ZFYVE28: variants seen among roughly 807,000 people sequenced by gnomAD.
ZFYVE28 encodes the protein lateral signaling target protein 2 homolog.
ZFYVE28 carries 40 observed loss-of-function variants against 82.1 expected under a neutral mutation model. The observed-to-expected ratio is 0.49, with a 90% CI of 0.38 to 0.63. The LOEUF is 0.63. Ranked by LOEUF, ZFYVE28 falls within the 30% of genes least tolerant of loss-of-function variation. ZFYVE28 has a pLI of 0.00. For synonymous variants in ZFYVE28, 612 were observed against 546.1 expected, an observed-to-expected ratio of 1.12 and a Z score of -1.68; for missense variants, 1,321 against 1,242.1, an observed-to-expected ratio of 1.06 and a Z score of -0.96.
rs75472986 is a variant in ZFYVE28, at chr4:2,355,153, T to A, written c.40-1080A>T. Among the ~76,000 whole-genome samples, 345 of 138,228 alleles carry A rather than the reference T, an allele frequency of 2.5e-3. 9 individuals are homozygous for A. In the East Asian group the frequency reaches 0.063, roughly 25 times the overall value. 90.7% of individuals were successfully genotyped at this position (138,228 alleles called of 152,430 possible). On this transcript the variant is annotated intron_variant, in intron 1 of 12. Transcript: ENST00000290974. Reference sequence around the variant, plus strand: ...CAGCTTGTTCCCCTGGATCAGAGTTTCGAGGATTCAAAGAAGCCCCTTACA... The same window carrying A: ...CAGCTTGTTCCCCTGGATCAGAGTTACGAGGATTCAAAGAAGCCCCTTACA...
At position 2,300,486 on chromosome 4, in the gene ZFYVE28, G is replaced by A. The variant is rs999844178; in HGVS notation, c.2051+3803C>T. Among the ~76,000 whole-genome samples the A allele has an allele frequency of 8.5e-5, 13 of 152,180 alleles. No individual in the cohort carries two copies. The highest frequency in any genetic ancestry group is 7.2e-4 in the Admixed American group (11 of 15,284). Reference sequence around the variant, plus strand: ...AGGCTGATTCACTGCTGTCTGTCGAGGACGATGTCCGGACTCCCAGGTGAC... The same window carrying A: ...AGGCTGATTCACTGCTGTCTGTCGAAGACGATGTCCGGACTCCCAGGTGAC... On this transcript the variant is annotated intron_variant, in intron 8 of 12. Transcript: ENST00000290974. This position sits in a 1 kb window ranked among gnomAD's most constrained non-coding sequence, Gnocchi z 4.6.
In ZFYVE28 at chr4:2,418,190, G is replaced by C. The variant is rs1182012982; in HGVS notation, c.39+95C>G. On this transcript the variant is annotated intron_variant, in intron 1 of 12. Coordinates refer to ENST00000290974, the MANE Select transcript of ZFYVE28 (RefSeq NM_020972.3). The surrounding 1 kb of genome is among the most constrained non-coding windows in gnomAD (Gnocchi z 4.6). ...TGGGGGAAGAGGCCGGCCACGGACAGGGAAAGGGAGTCCGTCTTGTAGGGC... is the reference window on the plus strand; with the variant it reads ...TGGGGGAAGAGGCCGGCCACGGACACGGAAAGGGAGTCCGTCTTGTAGGGC... 1 of 1,255,832 alleles carries C rather than the reference G, an allele frequency of 8.0e-7. No homozygotes were observed. The highest frequency in any genetic ancestry group is 1.9e-4 in the Middle Eastern group (1 of 5,262). 77.8% of individuals were successfully genotyped at this position (1,255,832 alleles called of 1,614,324 possible). A position where few individuals can be genotyped will look rare whatever the true frequency, so the allele number is the denominator to read the frequency against.
At position 2,335,680 on chromosome 4, in the gene ZFYVE28, G is replaced by A. The variant is rs1290730829; in HGVS notation, c.701+25C>T. 4 of 1,558,486 alleles carry A rather than the reference G, an allele frequency of 2.6e-6. No homozygotes were observed. Among genetic ancestry groups the A allele is most frequent in the Non-Finnish European group, 3.5e-6 (4 of 1,150,426 alleles). Reference sequence around the variant, plus strand: ...TGCCCGTCCCGCAGGTTTCTGCAGAGGTCCTGGGCACAGGAGGCACTCACC... The same window carrying A: ...TGCCCGTCCCGCAGGTTTCTGCAGAAGTCCTGGGCACAGGAGGCACTCACC... On this transcript the variant is annotated intron_variant, in intron 6 of 12. Transcript: ENST00000290974. The surrounding 1 kb of genome is among the most constrained non-coding windows in gnomAD (Gnocchi z 5.8).
intron 1 of ZFYVE28, among the ~76,000 whole-genome samples, chr4:2,371,403 T>C (rs1218831423): frequency 6.6e-6 from 1 of 152,264 alleles, no homozygotes; most frequent in Admixed American, 6.5e-5. Flanking sequence ...TCTTTAAAAA[T>C]AGCTGTCCTA....
rs1416504993 is a variant in ZFYVE28, at chr4:2,320,305, C to T, written c.702-34G>A. 6.3e-7 allele frequency: 1 copy of T among 1,588,542 alleles called. No individual in the cohort carries two copies. The highest frequency in any genetic ancestry group is 8.6e-7 in the Non-Finnish European group (1 of 1,162,356). ...GAGACACAAAAGCCAGGATGTCAGG[C>T]CCTGTGGCCCCCTGGGTGCCGCGGA... On this transcript the variant is annotated intron_variant, in intron 6 of 12. Transcript: ENST00000290974. The surrounding 1 kb of genome is among the most constrained non-coding windows in gnomAD (Gnocchi z 5.1).
Position 2,335,902 on chromosome 4 carries a change from C to A in ZFYVE28, c.612-108G>T. 1 of 877,784 alleles carries A rather than the reference C, an allele frequency of 1.1e-6. No individual in the cohort carries two copies. The highest frequency in any genetic ancestry group is 1.8e-6 in the Non-Finnish European group (1 of 549,346). The allele number at this position is 877,784 out of a possible 1,614,324, so 54.4% of individuals were successfully genotyped here. A position where few individuals can be genotyped will look rare whatever the true frequency, so the allele number is the denominator to read the frequency against. On this transcript the variant is annotated intron_variant, in intron 5 of 12. Coordinates refer to ENST00000290974, the MANE Select transcript of ZFYVE28 (RefSeq NM_020972.3). This position sits in a 1 kb window ranked among gnomAD's most constrained non-coding sequence, Gnocchi z 5.8. The stretch of plus-strand genomic sequence containing the variant: ...CGCTCAATCTGTACCTGCAGCCACG[C>A]GTGGTGGCCACGTCAAGAGGTGACA...
At position 2,418,431 on chromosome 4, in the gene ZFYVE28, G is replaced by A. The variant is rs2108700620; in HGVS notation, c.-108C>T. Reference sequence around the variant, plus strand: ...ACGCGGAGGCACGGCCGGAGCCCCCGCGCTGTCGCAGGGAGGCTGGCTAGC... The same window carrying A: ...ACGCGGAGGCACGGCCGGAGCCCCCACGCTGTCGCAGGGAGGCTGGCTAGC... On this transcript the variant is annotated 5_prime_UTR_variant, in exon 1 of 13. Coordinates refer to ENST00000290974, the MANE Select transcript of ZFYVE28 (RefSeq NM_020972.3). The surrounding 1 kb of genome is among the most constrained non-coding windows in gnomAD (Gnocchi z 4.6). The A allele has an allele frequency of 2.2e-6, 2 of 926,352 alleles. No homozygotes were observed. The highest frequency in any genetic ancestry group is 1.3e-6 in the Non-Finnish European group (1 of 754,204). The allele number at this position is 926,352 out of a possible 1,614,324, so 57.4% of individuals were successfully genotyped here.
Position 2,339,315 on chromosome 4 carries a change from C to A in ZFYVE28, c.521+138G>T. 1.1e-6 allele frequency: 1 copy of A among 943,316 alleles called. No homozygotes were observed. The highest frequency in any genetic ancestry group is 2.6e-5 in the East Asian group (1 of 37,902). 58.4% of individuals were successfully genotyped at this position (943,316 alleles called of 1,614,324 possible). A position where few individuals can be genotyped will look rare whatever the true frequency, so the allele number is the denominator to read the frequency against. Reference sequence around the variant, plus strand: ...CTATGCTCTCCAGGGCTTAACCCCACCCACAGGCGGCCCTGAACCTGCCTG... The same window carrying A: ...CTATGCTCTCCAGGGCTTAACCCCAACCACAGGCGGCCCTGAACCTGCCTG... On this transcript the variant is annotated intron_variant, in intron 4 of 12. Transcript: ENST00000290974. The surrounding 1 kb of genome is among the most constrained non-coding windows in gnomAD (Gnocchi z 5.0).
chr4:2,387,070 C>CGGGGCT (rs1729341292), intron 1 of ZFYVE28, among the ~76,000 whole-genome samples: 1 of 152,206 alleles, frequency 6.6e-6, no homozygotes, highest in African/African-American at 2.4e-5. Flanking sequence ...GGGCCGGGGC[C>CGGGGCT]GGGGCCGGGG....
chr4:2,379,735 T>C (rs1160037484), intron 1 of ZFYVE28, among the ~76,000 whole-genome samples: 2 of 152,204 alleles, frequency 1.3e-5, no homozygotes, highest in Non-Finnish European at 2.9e-5. Context: ...CTACAACATA[T>C]ATATCAATAT....
intron 8 of ZFYVE28, among the ~76,000 whole-genome samples, chr4:2,299,852 A>G (rs956973836): frequency 6.6e-6 from 1 of 151,988 alleles, no homozygotes; most frequent in Admixed American, 6.5e-5. Context: ...GCTGCAGTAC[A>G]GTGGTACAGT....
rs3118614 is a variant in ZFYVE28, at chr4:2,339,219, C to T, written c.521+234G>A. On this transcript the variant is annotated intron_variant, in intron 4 of 12. Coordinates refer to ENST00000290974, the MANE Select transcript of ZFYVE28 (RefSeq NM_020972.3). This position sits in a 1 kb window ranked among gnomAD's most constrained non-coding sequence, Gnocchi z 5.0. ...AAGCCCTTCCCCTGGAGGCCCACGGCGGCCAGATCCACACCTGTGTCCTCT... is the reference window on the plus strand; with the variant it reads ...AAGCCCTTCCCCTGGAGGCCCACGGTGGCCAGATCCACACCTGTGTCCTCT... Among the ~76,000 whole-genome samples, 284 of 152,176 alleles carry T rather than the reference C, an allele frequency of 1.9e-3. 3 individuals carry two copies. The highest frequency in any genetic ancestry group is 2.5e-3 in the Non-Finnish European group (169 of 67,998).
chr4:2,348,497 C>G (rs1381992580), intron 2 of ZFYVE28, among the ~76,000 whole-genome samples: 1 of 152,140 alleles, frequency 6.6e-6, no homozygotes, highest in East Asian at 1.9e-4. Context: ...GCCCATATCC[C>G]TAATGAATAT....
chr4:2,395,383 T>C (rs192571628), intron 1 of ZFYVE28, among the ~76,000 whole-genome samples: 13 of 152,380 alleles, frequency 8.5e-5, no homozygotes, highest in Admixed American at 5.2e-4. Flanking sequence ...GTGAAGCCTT[T>C]GCTTTCGCGC....
chr4:2,366,019 C>T (rs1415762150), intron 1 of ZFYVE28, among the ~76,000 whole-genome samples: 1 of 152,170 alleles, frequency 6.6e-6, no homozygotes, highest in African/African-American at 2.4e-5. Context: ...ATACAGCCGG[C>T]CTCACTGTGA....
At chr4:2,364,372 T>C in intron 1 of ZFYVE28, 3 of 916,942 alleles carry the variant, frequency 3.3e-6, no homozygotes, top group Non-Finnish European at 3.9e-6. Context: ...GCCAGGCCAC[T>C]GAACGCCCTG....
Position 2,304,344 on chromosome 4 carries a change from G to A in ZFYVE28, c.1996C>T (p.Leu666=). The A allele has an allele frequency of 1.2e-6, 2 of 1,607,782 alleles. No individual in the cohort carries two copies. The highest frequency in any genetic ancestry group is 1.3e-5 in the African/African-American group (1 of 75,024). Residue 666 remains leucine (L), a synonymous_variant, in exon 8 of 13, where the codon CTG becomes TTG. Coordinates refer to ENST00000290974, the MANE Select transcript of ZFYVE28 (RefSeq NM_020972.3). ...TGAGCCGAGGGGCTCCCAGCATGCA[G>A]CTCTCTGGCCTCTGGCTCCTGCTGA... ...AGQQEPEARE[L]HAGSPSAHEA...
chr4:2,277,509 T>A (rs966950954), intron 8 of ZFYVE28, among the ~76,000 whole-genome samples: 7 of 151,402 alleles, frequency 4.6e-5, no homozygotes, highest in African/African-American at 1.5e-4. Flanking sequence ...AAATAAAAAT[T>A]AAAAAAAAGA....
At chr4:2,355,240 ATATATATATATATATATATATATATATAT>A (rs1725100899) in intron 1 of ZFYVE28, among the ~76,000 whole-genome samples, 2 of 24,170 alleles carry the variant, frequency 8.3e-5, no homozygotes, top group African/African-American at 3.4e-4. Flanking sequence ...ATATATATAT[ATATATATATATATATATATATATATATAT>A]ATAATGATTC....
Sources: gnomAD v4.1 joint callset for allele counts (sites outside exome capture counted in the v4.1 genomes callset) on GRCh38, gnomAD v4.1.1 for gene constraint, Gnocchi (gnomAD v3.1) non-coding constraint, MANE v1.5 for transcripts, NCBI Gene and HGNC (gene_info 2026-07-23, HGNC 2026-07-21) for gene names.